Variants in RBM33 observed in about 807,000 individuals in gnomAD.
RBM33 encodes RNA binding motif protein 33, also known as RNA-binding protein 33.
In RBM33, 28 loss-of-function variants were observed where a neutral mutation model predicts 132.6. The ratio of observed to expected loss-of-function variants is 0.21; its 90% CI spans 0.16 to 0.29. The LOEUF is 0.29. RBM33 is among the 10% of genes least tolerant of loss of function. The pLI is 1.00. For missense variants in RBM33, 1,291 were observed against 1,518.5 expected, an observed-to-expected ratio of 0.85 and a Z score of 2.49; for synonymous variants, 634 against 593.0, an observed-to-expected ratio of 1.07 and a Z score of -1.01.
intron 14 of RBM33, among the ~76,000 whole-genome samples, chr7:155,758,205 T>C (rs1235612144): frequency 6.6e-6 from 1 of 152,230 alleles, no homozygotes; most frequent in Non-Finnish European, 1.5e-5. Context: ...GTGAATATAT[T>C]GAATAATACC....
intron 8 of RBM33, among the ~76,000 whole-genome samples, chr7:155,712,963 G>A (rs867505171): frequency 6.6e-6 from 1 of 152,230 alleles, no homozygotes; most frequent in Non-Finnish European, 1.5e-5. Context: ...GTGGAAGCTG[G>A]TGTCTAGCTA....
rs979857841 is a variant in RBM33, at chr7:155,778,808, A to G, written c.*3767A>G. ...GTATTTCTTTGTTATTTTATTGGGA[A>G]GGTAAGCGGAATGTGCTCATAGACC... is the stretch of plus-strand genomic sequence containing the variant. On this transcript the variant is annotated 3_prime_UTR_variant, in exon 18 of 18. Coordinates refer to ENST00000401878, the MANE Select transcript of RBM33 (RefSeq NM_053043.3). The surrounding 1 kb of genome is among the most constrained non-coding windows in gnomAD (Gnocchi z 4.0). 8 of 152,768 alleles carry G rather than the reference A, an allele frequency of 5.2e-5. No individual in the cohort carries two copies. Among genetic ancestry groups the G allele is most frequent in the Non-Finnish European group, 1.2e-4 (8 of 68,092 alleles). 9.5% of individuals were successfully genotyped at this position (152,768 alleles called of 1,614,324 possible).
intron 13 of RBM33, 89 bp from the exon 14 acceptor site, chr7:155,744,872 G>A (rs767384143): frequency 1.5e-5 from 19 of 1,253,016 alleles, no homozygotes; most frequent in Non-Finnish European, 2.1e-5. Flanking sequence ...TAAAGGACTT[G>A]TGGTAAATGT....
intron 1 of RBM33, among the ~76,000 whole-genome samples, chr7:155,661,719 A>G (rs1482549313): frequency 6.6e-6 from 1 of 151,934 alleles, no homozygotes; most frequent in Non-Finnish European, 1.5e-5. Flanking sequence ...GTTTATTCAT[A>G]TTCTTTATTT....
chr7:155,674,742 G>A (rs906390507), intron 3 of RBM33, among the ~76,000 whole-genome samples: 9 of 152,178 alleles, frequency 5.9e-5, no homozygotes, highest in African/African-American at 1.7e-4. Context: ...GGCTGGAACC[G>A]GAGCATGCCC....
chr7:155,656,852 C>T (rs1338038576), intron 1 of RBM33, among the ~76,000 whole-genome samples: 1 of 152,078 alleles, frequency 6.6e-6, no homozygotes, highest in East Asian at 1.9e-4. Flanking sequence ...TCTTCTTTAC[C>T]CTCCTGCTCT....
At chr7:155,751,038 TG>T (rs1191927317) in intron 14 of RBM33, among the ~76,000 whole-genome samples, 1 of 152,202 alleles carries the variant, frequency 6.6e-6, no homozygotes, top group East Asian at 1.9e-4. Context: ...GGACTGCATT[TG>T]TAAATTTCTT....
At chr7:155,662,948 G>A (rs1798695544) in intron 1 of RBM33, among the ~76,000 whole-genome samples, 1 of 152,128 alleles carries the variant, frequency 6.6e-6, no homozygotes, top group Non-Finnish European at 1.5e-5. Context: ...AGAGGGGTGG[G>A]TCCTGGTTTA....
intron 5 of RBM33, among the ~76,000 whole-genome samples, chr7:155,700,513 A>G (rs1328764140): frequency 7.0e-6 from 1 of 142,268 alleles, no homozygotes; most frequent in Non-Finnish European, 1.5e-5. Flanking sequence ...GATGTGTAGG[A>G]CTTTGTCTAT....
chr7:155,679,344 C>T (rs988361131), intron 4 of RBM33, among the ~76,000 whole-genome samples: 1 of 152,114 alleles, frequency 6.6e-6, no homozygotes, highest in East Asian at 1.9e-4. Context: ...CATTGCAGTT[C>T]GATACTGCTG....
chr7:155,717,274 G>T (rs1800490084), intron 8 of RBM33, among the ~76,000 whole-genome samples: 1 of 152,302 alleles, frequency 6.6e-6, no homozygotes, highest in East Asian at 1.9e-4. Flanking sequence ...AGTTCGAGGT[G>T]TGGGCAGGGC....
intron 15 of RBM33, among the ~76,000 whole-genome samples, chr7:155,765,994 A>G (rs1482635938): frequency 6.6e-6 from 1 of 152,196 alleles, no homozygotes; most frequent in Non-Finnish European, 1.5e-5. Context: ...GGAGTCAGGT[A>G]CATGATGCTG....
chr7:155,763,927 A>T lies in RBM33; in HGVS notation c.3095A>T (p.Gln1032Leu). The change falls in exon 15 of 18, where the codon CAG becomes CTG. Residue 1032 changes from glutamine (Q) to leucine (L), a missense_variant. By Grantham distance (113) the Gln-to-Leu change is moderately radical. Around this residue, in one of 7 missense-constraint regions of RBM33, gnomAD observed 841 missense variants for 912.0 expected, o/e 0.92. Coordinates refer to ENST00000401878, the MANE Select transcript of RBM33 (RefSeq NM_053043.3). ...GTGACGCTGACCAGGGGGGGCCTCC[A>T]GCAGCCCCCACATCTGCCAGCGGGG... ...RKVTLTRGGL[Q>L]QPPHLPAGPH... The T allele has an allele frequency of 1.9e-6, 3 of 1,604,882 alleles. No individual in the cohort carries two copies. Among genetic ancestry groups the T allele is most frequent in the Non-Finnish European group, 2.6e-6 (3 of 1,175,934 alleles).
chr7:155,673,623 TATACACAC>T (rs1175967062), intron 3 of RBM33, among the ~76,000 whole-genome samples: 7 of 39,862 alleles, frequency 1.8e-4, no homozygotes, highest in East Asian at 7.5e-4. Flanking sequence ...CGTGTATATA[TATACACAC>T]ATATACATAC....
chr7:155,715,228 C>G (rs1272991639), intron 8 of RBM33, among the ~76,000 whole-genome samples: 1 of 152,154 alleles, frequency 6.6e-6, no homozygotes, highest in Non-Finnish European at 1.5e-5. Context: ...TTCAAGTAAT[C>G]CTTTGCATCT....
chr7:155,770,198 G>A (rs545313764), intron 16 of RBM33, among the ~76,000 whole-genome samples: 9 of 152,376 alleles, frequency 5.9e-5, no homozygotes, highest in African/African-American at 2.2e-4. Flanking sequence ...AGCATGTTAT[G>A]ATAATAGATG....
At chr7:155,747,497 T>C (rs1801555706) in intron 14 of RBM33, among the ~76,000 whole-genome samples, 1 of 152,258 alleles carries the variant, frequency 6.6e-6, no homozygotes, top group Non-Finnish European at 1.5e-5. Flanking sequence ...GTCCAGTTTC[T>C]ACCATCAAAG....
intron 13 of RBM33, among the ~76,000 whole-genome samples, chr7:155,743,267 T>C (rs1801408557): frequency 6.6e-6 from 1 of 152,244 alleles, no homozygotes; most frequent in African/African-American, 2.4e-5. Flanking sequence ...GGTAAAAGTT[T>C]TATCATACTT....
At chr7:155,669,873 G>A (rs1008215900) in intron 2 of RBM33, among the ~76,000 whole-genome samples, 17 of 152,124 alleles carry the variant, frequency 1.1e-4, no homozygotes, top group Non-Finnish European at 2.2e-4. Flanking sequence ...ACTTGGTGAC[G>A]TTATGTTGGT....
Sources: gnomAD v4.1 joint callset for allele counts (sites outside exome capture counted in the v4.1 genomes callset) on GRCh38, gnomAD v4.1.1 for gene constraint, gnomAD v4.1.1 regional missense constraint, Gnocchi (gnomAD v3.1) non-coding constraint, MANE v1.5 for transcripts, NCBI Gene and HGNC (gene_info 2026-07-23, HGNC 2026-07-21) for gene names.